The following VDAC1 variants were observed in gnomAD, a reference collection of about 807,000 sequenced individuals.
The protein encoded by VDAC1 is voltage dependent anion channel 1.
VDAC1 carries 10 observed loss-of-function variants against 34.7 expected under a neutral mutation model. That is an observed-to-expected ratio of 0.29 (90% CI 0.18 to 0.49). The LOEUF is 0.49. Ranked by LOEUF, VDAC1 falls within the 20% of genes least tolerant of loss-of-function variation. The pLI, the probability that VDAC1 is intolerant of heterozygous loss-of-function variation, is 0.99. For missense variants in VDAC1, 230 were observed against 347.9 expected (o/e 0.66, Z 2.69); for synonymous variants, 130 against 136.0 (o/e 0.96, Z 0.30).
the VDAC1 span, among the ~76,000 whole-genome samples, chr5:134,029,562 C>A: frequency 6.6e-6 from 1 of 152,188 alleles, no homozygotes; most frequent in Non-Finnish European, 1.5e-5. Flanking sequence ...TTGATGGTCA[C>A]TAGGCAAACG....
At chr5:134,032,124 C>CAAAAAAAAAAAAAAAAAAAA in the VDAC1 span, among the ~76,000 whole-genome samples, 115 of 36,124 alleles carry the variant, frequency 3.2e-3, 22 homozygotes, top group African/African-American at 0.012. Flanking sequence ...CTCTGCCTCA[C>CAAAAAAAAAAAAAAAAAAAA]AAAAAAAAAA....
At chr5:133,989,526 A>G (rs1753024173) in intron 5 of VDAC1, among the ~76,000 whole-genome samples, 2 of 151,740 alleles carry the variant, frequency 1.3e-5, no homozygotes, top group African/African-American at 4.8e-5. Flanking sequence ...TGCCTGGCTA[A>G]TTTTTGTATT....
At chr5:134,081,283 C>G in the VDAC1 span, among the ~76,000 whole-genome samples, 5,155 of 152,022 alleles carry the variant, frequency 0.034, 97 homozygotes, top group East Asian at 0.092. Flanking sequence ...GTGATCTGCC[C>G]GCCTCGGCCT....
At chr5:134,065,198 T>A in the VDAC1 span, among the ~76,000 whole-genome samples, 2 of 152,172 alleles carry the variant, frequency 1.3e-5, no homozygotes, top group Non-Finnish European at 1.5e-5. Context: ...CCAAAAAAAA[T>A]TTATATGATG....
chr5:134,029,531 C>T, the VDAC1 span, among the ~76,000 whole-genome samples: 1 of 152,186 alleles, frequency 6.6e-6, no homozygotes, highest in Non-Finnish European at 1.5e-5. Flanking sequence ...ATAGAACAGC[C>T]GTGCATCTGT....
chr5:134,102,334 A>AC, the VDAC1 span, among the ~76,000 whole-genome samples: 1,929 of 95,416 alleles, frequency 0.02, 39 homozygotes, highest in African/African-American at 0.073. Flanking sequence ...CCCACCCTCT[A>AC]CCCCCCCCAC....
the VDAC1 span, among the ~76,000 whole-genome samples, chr5:134,064,833 T>G: frequency 6.6e-6 from 1 of 151,862 alleles, no homozygotes; most frequent in South Asian, 2.1e-4. Flanking sequence ...TCCTCCCACC[T>G]CAGCCTCCCA....
At chr5:134,093,321 G>A in the VDAC1 span, among the ~76,000 whole-genome samples, 1 of 152,042 alleles carries the variant, frequency 6.6e-6, no homozygotes, top group Non-Finnish European at 1.5e-5. Context: ...TGGTGAGGAA[G>A]GTGTGCACAG....
the VDAC1 span, among the ~76,000 whole-genome samples, chr5:134,044,545 TAGGGCTCC>T: frequency 6.6e-6 from 1 of 152,226 alleles, no homozygotes; most frequent in African/African-American, 2.4e-5. Context: ...TCCTTCAGAA[TAGGGCTCC>T]ATGGCACATT....
chr5:134,026,944 G>A, the VDAC1 span, among the ~76,000 whole-genome samples: 13 of 152,314 alleles, frequency 8.5e-5, no homozygotes, highest in South Asian at 1.7e-3. Flanking sequence ...CCACTAGAGC[G>A]TTAGGCTGGT....
upstream of VDAC1, among the ~76,000 whole-genome samples, chr5:134,007,052 T>TGG (rs1753768036): frequency 6.6e-6 from 1 of 151,774 alleles, no homozygotes; most frequent in Non-Finnish European, 1.5e-5. Flanking sequence ...GAGACCAGCC[T>TGG]TACCAACATG....
the VDAC1 span, among the ~76,000 whole-genome samples, chr5:134,094,212 G>A: frequency 6.6e-6 from 1 of 152,250 alleles, no homozygotes; most frequent in East Asian, 1.9e-4. Context: ...TCCTGCAGGT[G>A]CAGGTCATTC....
the VDAC1 span, among the ~76,000 whole-genome samples, chr5:134,101,301 C>T: frequency 6.6e-6 from 1 of 152,090 alleles, no homozygotes; most frequent in East Asian, 1.9e-4. Flanking sequence ...TTAAGAAACA[C>T]AGGATTGGCC....
chr5:134,009,801 C>T (rs1753803860), upstream of VDAC1, among the ~76,000 whole-genome samples: 1 of 152,094 alleles, frequency 6.6e-6, no homozygotes, highest in African/African-American at 2.4e-5. Flanking sequence ...ATGCCTCAGC[C>T]TCCCAAGTAG....
At chr5:134,002,323 A>G (rs1430367018) in intron 1 of VDAC1, among the ~76,000 whole-genome samples, 1 of 152,190 alleles carries the variant, frequency 6.6e-6, no homozygotes, top group Non-Finnish European at 1.5e-5. Context: ...ACTCTAGAAT[A>G]GCAAAAATAA....
chr5:134,085,784 T>C, the VDAC1 span, among the ~76,000 whole-genome samples: 1 of 133,004 alleles, frequency 7.5e-6, no homozygotes, highest in Non-Finnish European at 1.6e-5. Context: ...GGCACATACC[T>C]ATAGTCCCAA....
the VDAC1 span, among the ~76,000 whole-genome samples, chr5:134,095,785 C>T: frequency 6.6e-6 from 1 of 152,340 alleles, no homozygotes; most frequent in Middle Eastern, 3.4e-3. Flanking sequence ...CTAAATCAAA[C>T]GTAAAGTGCA....
chr5:134,092,352 G>A, the VDAC1 span, among the ~76,000 whole-genome samples: 4 of 152,188 alleles, frequency 2.6e-5, no homozygotes, highest in South Asian at 4.1e-4. Context: ...CAGCAAAACT[G>A]CCAAGGGGGC....
upstream of VDAC1, among the ~76,000 whole-genome samples, chr5:134,009,315 G>A (rs1753798499): frequency 1.4e-5 from 2 of 146,446 alleles, no homozygotes; most frequent in South Asian, 4.3e-4. Context: ...GAGTACGGTG[G>A]CATGATCTTG....
Sources: gnomAD v4.1 joint callset for allele counts (sites outside exome capture counted in the v4.1 genomes callset) on GRCh38, gnomAD v4.1.1 for gene constraint, MANE v1.5 for transcripts, NCBI Gene and HGNC (gene_info 2026-07-23, HGNC 2026-07-21) for gene names.